The following SEMA3A variants were observed in gnomAD, a reference collection of about 807,000 sequenced individuals.
SEMA3A encodes semaphorin 3A, also known as semaphorin-3A.
A neutral mutation model predicts 97.9 loss-of-function variants in SEMA3A; 29 were observed. The ratio of observed to expected loss-of-function variants is 0.30; its 90% confidence interval spans 0.22 to 0.40. The LOEUF (loss-of-function observed/expected upper bound fraction) is 0.40, where lower values mean the gene tolerates loss of function less well. SEMA3A is among the 10% of genes least tolerant of loss of function. SEMA3A has a pLI of 1.00. For missense variants in SEMA3A, 763 were observed against 951.3 expected, an observed-to-expected ratio of 0.80 and a Z score of 2.60; for synonymous variants, 321 against 323.7, an observed-to-expected ratio of 0.99 and a Z score of 0.09.
At chr7:84,093,783 T>C (rs1277713655) in intron 4 of SEMA3A, among the ~76,000 whole-genome samples, 2 of 151,800 alleles carry the variant, frequency 1.3e-5, no homozygotes, top group African/African-American at 4.8e-5. Flanking sequence ...ACAACACCCA[T>C]TTGTGCCTCT....
chr7:84,466,659 C>T (rs1234104722), intron 1 of SEMA3A, among the ~76,000 whole-genome samples: 1 of 152,192 alleles, frequency 6.6e-6, no homozygotes, highest in African/African-American at 2.4e-5. Context: ...ATGAACCTGA[C>T]TTACCATCAG....
intron 1 of SEMA3A, among the ~76,000 whole-genome samples, chr7:84,460,812 C>T (rs1047962688): frequency 1.3e-5 from 2 of 152,134 alleles, no homozygotes; most frequent in African/African-American, 4.8e-5. Context: ...AAAAGCAAGT[C>T]GAAGGAGCCA....
At chr7:83,989,913 A>C (rs1789825988) in intron 12 of SEMA3A, among the ~76,000 whole-genome samples, 2 of 151,012 alleles carry the variant, frequency 1.3e-5, no homozygotes, top group African/African-American at 4.9e-5. Context: ...ACAATGGTAG[A>C]ACTAGTTTAC....
At chr7:84,423,625 C>G (rs187731693) in intron 1 of SEMA3A, among the ~76,000 whole-genome samples, 244 of 152,112 alleles carry the variant, frequency 1.6e-3, no homozygotes, top group Non-Finnish European at 2.9e-3. Context: ...CTATATCTAT[C>G]TATATGTTCA....
At chr7:84,029,182 A>C (rs932778890) in intron 6 of SEMA3A, among the ~76,000 whole-genome samples, 1 of 152,200 alleles carries the variant, frequency 6.6e-6, no homozygotes, top group African/African-American at 2.4e-5. Context: ...ATGATTTGAT[A>C]ATTATTATCT....
At chr7:84,434,663 T>C (rs992319082) in intron 1 of SEMA3A, among the ~76,000 whole-genome samples, 6 of 152,182 alleles carry the variant, frequency 3.9e-5, no homozygotes, top group Non-Finnish European at 5.9e-5. Context: ...TATTTTACCA[T>C]GATCAAGTAG....
At chr7:84,143,417 T>C (rs186479653) in intron 1 of SEMA3A, among the ~76,000 whole-genome samples, 33 of 152,326 alleles carry the variant, frequency 2.2e-4, no homozygotes, top group Admixed American at 2.1e-3. Flanking sequence ...AGATCTGGCA[T>C]GTCTCTCCAT....
chr7:84,084,476 T>C (rs773906631), intron 4 of SEMA3A, among the ~76,000 whole-genome samples: 6 of 151,750 alleles, frequency 4.0e-5, no homozygotes, highest in Non-Finnish European at 7.4e-5. Flanking sequence ...TTCAGAAACA[T>C]CTGAAAATAT....
At chr7:84,482,003 C>T (rs1806459580) in intron 1 of SEMA3A, among the ~76,000 whole-genome samples, 1 of 151,588 alleles carries the variant, frequency 6.6e-6, no homozygotes, top group Admixed American at 6.6e-5. Context: ...AGTAATATAG[C>T]TTCTACCTAA....
intron 3 of SEMA3A, among the ~76,000 whole-genome samples, chr7:84,210,041 T>A (rs1202229164): frequency 6.6e-6 from 1 of 152,106 alleles, no homozygotes; most frequent in South Asian, 2.1e-4. Flanking sequence ...CTCAAGTACA[T>A]CGAGATATTC....
At chr7:84,441,178 T>C (rs1334516896) in intron 1 of SEMA3A, among the ~76,000 whole-genome samples, 2 of 149,966 alleles carry the variant, frequency 1.3e-5, no homozygotes, top group Non-Finnish European at 3.0e-5. Flanking sequence ...TAAAATAAAA[T>C]AAAAATAAAA....
At chr7:84,169,208 T>G in intron 1 of SEMA3A, among the ~76,000 whole-genome samples, 1 of 151,426 alleles carries the variant, frequency 6.6e-6, no homozygotes, top group South Asian at 2.1e-4. Flanking sequence ...AAAAAGAGCT[T>G]CTTTATTATT....
At chr7:84,017,143 A>G (rs965220498) in intron 6 of SEMA3A, among the ~76,000 whole-genome samples, 19 of 152,214 alleles carry the variant, frequency 1.2e-4, no homozygotes, top group Non-Finnish European at 1.8e-4. Flanking sequence ...TGAAAATGAC[A>G]ACAAAGAAAA....
At chr7:84,177,181 A>G (rs879733481) in intron 1 of SEMA3A, among the ~76,000 whole-genome samples, 4 of 152,180 alleles carry the variant, frequency 2.6e-5, no homozygotes, top group Admixed American at 2.0e-4. Flanking sequence ...TAGAACTGTT[A>G]TATCAGAAGA....
At chr7:84,080,947 T>C (rs952137258) in intron 4 of SEMA3A, among the ~76,000 whole-genome samples, 1 of 152,042 alleles carries the variant, frequency 6.6e-6, no homozygotes, top group African/African-American at 2.4e-5. Flanking sequence ...GTGGGGACAA[T>C]ATTAACACAT....
At chr7:84,366,975 C>T (rs1802862151) in intron 2 of SEMA3A, among the ~76,000 whole-genome samples, 1 of 150,134 alleles carries the variant, frequency 6.7e-6, no homozygotes, top group Non-Finnish European at 1.5e-5. Flanking sequence ...CACTAAAATG[C>T]CTTTAATCTT....
At chr7:84,466,503 G>A (rs1806002312) in intron 1 of SEMA3A, among the ~76,000 whole-genome samples, 1 of 152,154 alleles carries the variant, frequency 6.6e-6, no homozygotes, top group South Asian at 2.1e-4. Flanking sequence ...GTTTTTAAAT[G>A]AAGATTATAT....
Position 84,264,479 on chromosome 7 carries a change from A to G in SEMA3A, c.-83+42728T>C, listed in dbSNP as rs541290389. Among the ~76,000 whole-genome samples the G allele has an allele frequency of 2.0e-5, 3 of 152,342 alleles. No individual in the cohort carries two copies. The South Asian group carries it at 6.2e-4, about 32-fold the overall frequency. On this transcript the variant is annotated intron_variant, in intron 3 of 3. Coordinates refer to the SEMA3A transcript ENST00000424555. ...TTTTTTTCTGGCTGCTGTAACAGCA[A>G]TAAATTCAGGGATACCAGATATATT...
chr7:84,227,693 T>C (rs1248410051), intron 3 of SEMA3A, among the ~76,000 whole-genome samples: 1 of 152,110 alleles, frequency 6.6e-6, no homozygotes, highest in Non-Finnish European at 1.5e-5. Context: ...AGGTGTATTA[T>C]TTCTTTACTA....
Sources: gnomAD v4.1 joint callset for allele counts (sites outside exome capture counted in the v4.1 genomes callset) on GRCh38, gnomAD v4.1.1 for gene constraint, MANE v1.5 for transcripts, NCBI Gene and HGNC (gene_info 2026-07-23, HGNC 2026-07-21) for gene names.